Variants in DKK2 observed in about 807,000 individuals in gnomAD.
DKK2 encodes dickkopf Wnt signaling pathway inhibitor 2.
Under a neutral mutation model 28.1 loss-of-function variants are expected in DKK2, and 11 were observed. That is an observed-to-expected ratio of 0.39 (90% CI 0.25 to 0.65). The LOEUF (loss-of-function observed/expected upper bound fraction) is 0.65. Ranked by LOEUF, DKK2 falls within the 30% of genes least tolerant of loss-of-function variation. The pLI is 0.47. For missense variants in DKK2, 326 were observed against 335.5 expected, an observed-to-expected ratio of 0.97 and a Z score of 0.22; for synonymous variants, 135 against 126.5, an observed-to-expected ratio of 1.07 and a Z score of -0.45.
At chr4:107,026,727 C>T (rs1159553869) in intron 1 of DKK2, among the ~76,000 whole-genome samples, 4 of 151,930 alleles carry the variant, frequency 2.6e-5, no homozygotes, top group South Asian at 4.2e-4. Flanking sequence ...TGAGAAATCA[C>T]GATTTTGTTG....
intron 1 of DKK2, among the ~76,000 whole-genome samples, chr4:106,943,995 G>A (rs952026451): frequency 6.6e-5 from 10 of 152,094 alleles, no homozygotes; most frequent in South Asian, 2.1e-4. Context: ...TATATTTCTT[G>A]TTGGTGGATC....
intron 1 of DKK2, among the ~76,000 whole-genome samples, chr4:107,024,093 A>G (rs1393270917): frequency 6.6e-6 from 1 of 152,118 alleles, no homozygotes; most frequent in Non-Finnish European, 1.5e-5. Flanking sequence ...CTGGCTTTAC[A>G]ATTGGTTATT....
At chr4:106,932,873 G>T (rs542506318) in intron 1 of DKK2, among the ~76,000 whole-genome samples, 1 of 152,082 alleles carries the variant, frequency 6.6e-6, no homozygotes, top group Admixed American at 6.6e-5. Flanking sequence ...GAAGTAACAT[G>T]GTAGGGCAAA....
intron 1 of DKK2, among the ~76,000 whole-genome samples, chr4:106,943,509 A>C (rs1325933739): frequency 6.6e-6 from 1 of 152,138 alleles, no homozygotes; most frequent in East Asian, 1.9e-4. Context: ...GGATATTTTT[A>C]AATTGATTTT....
chr4:106,924,344 ATACCAATTGGCT>A lies in DKK2; in HGVS notation c.530-152_530-141del, dbSNP rs1724394353. ...CATTTATAATGAAAAGTCTTGGTTG[ATACCAATTGGCT>A]CTGCCTCTTATCACATAAATCTATT... On this transcript the variant is annotated intron_variant, in intron 3 of 3. Coordinates refer to ENST00000285311, the MANE Select transcript of DKK2 (RefSeq NM_014421.3). 9.9e-6 allele frequency: 13 copies of A among 1,317,308 alleles called. No homozygotes were observed. The South Asian group carries it at 1.1e-4, about 11-fold the overall frequency. 81.6% of individuals were successfully genotyped at this position (1,317,308 alleles called of 1,614,324 possible). A position where few individuals can be genotyped will look rare whatever the true frequency, so the allele number is the denominator to read the frequency against.
rs533139781 is a variant in DKK2 at position 106,922,189 on chromosome 4, A to T, written c.*1765T>A. 71 of 152,522 alleles carry T rather than the reference A, an allele frequency of 4.7e-4. No homozygotes were observed. Among genetic ancestry groups the T allele is most frequent in the African/African-American group, 1.7e-3 (70 of 41,560 alleles). 9.4% of individuals were successfully genotyped at this position (152,522 alleles called of 1,614,324 possible). A position where few individuals can be genotyped will look rare whatever the true frequency, so the allele number is the denominator to read the frequency against. ...AAATGTAAGTCTTAATCATCTTAGTAAATATATGTGGGAAGTTGAAATTTT... is the reference window on the plus strand; with the variant it reads ...AAATGTAAGTCTTAATCATCTTAGTTAATATATGTGGGAAGTTGAAATTTT... On this transcript the variant is annotated 3_prime_UTR_variant, in exon 4 of 4. Transcript: ENST00000285311.
At chr4:106,983,106 A>T (rs1486237172) in intron 1 of DKK2, among the ~76,000 whole-genome samples, 1 of 151,834 alleles carries the variant, frequency 6.6e-6, no homozygotes, top group Non-Finnish European at 1.5e-5. Context: ...CTAAATTTTT[A>T]GAAATCAGAA....
intron 1 of DKK2, among the ~76,000 whole-genome samples, chr4:107,000,215 T>G (rs1723339780): frequency 1.3e-5 from 2 of 152,196 alleles, no homozygotes; most frequent in Non-Finnish European, 2.9e-5. Context: ...AATGGTAATT[T>G]TATTTTTTTT....
intron 1 of DKK2, among the ~76,000 whole-genome samples, chr4:106,939,121 G>T (rs1049427972): frequency 6.6e-5 from 10 of 152,160 alleles, no homozygotes; most frequent in Admixed American, 1.3e-4. Flanking sequence ...GGGCAATTAG[G>T]CAGGAGAAGG....
chr4:106,988,848 C>T (rs1723163559), intron 1 of DKK2, among the ~76,000 whole-genome samples: 2 of 152,162 alleles, frequency 1.3e-5, no homozygotes, highest in Non-Finnish European at 2.9e-5. Flanking sequence ...GTACAGTTTA[C>T]ATGTTTGAGC....
intron 1 of DKK2, among the ~76,000 whole-genome samples, chr4:107,006,679 C>A (rs1456302309): frequency 6.6e-6 from 1 of 152,156 alleles, no homozygotes; most frequent in Non-Finnish European, 1.5e-5. Flanking sequence ...ACACTGCATA[C>A]CTCTCAATCT....
At chr4:107,018,781 C>A (rs4956274) in intron 1 of DKK2, among the ~76,000 whole-genome samples, 1 of 151,848 alleles carries the variant, frequency 6.6e-6, no homozygotes, top group Non-Finnish European at 1.5e-5. Flanking sequence ...GTGGACAATA[C>A]GAACTCTATT....
At chr4:106,980,356 C>A (rs1294508079) in intron 1 of DKK2, among the ~76,000 whole-genome samples, 1 of 151,914 alleles carries the variant, frequency 6.6e-6, no homozygotes, top group East Asian at 1.9e-4. Flanking sequence ...AATATGTTAT[C>A]AAAAGTCACA....
At chr4:107,008,317 T>G (rs921189639) in intron 1 of DKK2, among the ~76,000 whole-genome samples, 1 of 152,074 alleles carries the variant, frequency 6.6e-6, no homozygotes, top group African/African-American at 2.4e-5. Flanking sequence ...TCTTTCAGTT[T>G]GAGTGGAAAT....
At chr4:106,977,847 C>T (rs757369757) in intron 1 of DKK2, among the ~76,000 whole-genome samples, 4 of 152,130 alleles carry the variant, frequency 2.6e-5, no homozygotes, top group South Asian at 2.1e-4. Context: ...TGCCTTTTTG[C>T]GCTGGGTTTT....
chr4:106,961,466 G>T (rs755963781), intron 1 of DKK2, among the ~76,000 whole-genome samples: 6 of 151,768 alleles, frequency 4.0e-5, no homozygotes, highest in African/African-American at 9.7e-5. Context: ...TTCATAAGTG[G>T]TTACAGAATT....
intron 1 of DKK2, among the ~76,000 whole-genome samples, chr4:106,959,508 A>G (rs1182237316): frequency 6.6e-6 from 1 of 152,080 alleles, no homozygotes; most frequent in Non-Finnish European, 1.5e-5. Context: ...ATTTTTTCAA[A>G]TATTGCCTAA....
At chr4:107,023,451 G>A (rs2110374491) in intron 1 of DKK2, among the ~76,000 whole-genome samples, 1 of 152,092 alleles carries the variant, frequency 6.6e-6, no homozygotes, top group Admixed American at 6.6e-5. Context: ...ACTAGATACA[G>A]TACAAAGATA....
intron 1 of DKK2, among the ~76,000 whole-genome samples, chr4:106,942,640 A>G (rs967223594): frequency 6.6e-6 from 1 of 152,132 alleles, no homozygotes. Flanking sequence ...TACATAACAC[A>G]TAATTTGAGT....
Sources: gnomAD v4.1 joint callset for allele counts (sites outside exome capture counted in the v4.1 genomes callset) on GRCh38, gnomAD v4.1.1 for gene constraint, MANE v1.5 for transcripts, NCBI Gene and HGNC (gene_info 2026-07-23, HGNC 2026-07-21) for gene names.